RAD51B: variants seen among roughly 807,000 people sequenced by gnomAD.
The protein encoded by RAD51B is RAD51 paralog B.
Under a neutral mutation model 42.2 loss-of-function variants are expected in RAD51B, and 38 were observed. The observed-to-expected ratio is 0.90, with a 90% CI of 0.70 to 1.18. The LOEUF (loss-of-function observed/expected upper bound fraction) is 1.18. Ranked by LOEUF, RAD51B falls within the 50% of genes most tolerant of loss-of-function variation. RAD51B has a pLI of 0.00. For synonymous variants in RAD51B, 154 were observed against 145.2 expected (o/e 1.06, Z -0.43); for missense variants, 373 against 400.7 (o/e 0.93, Z 0.59).
At chr14:68,577,520 T>A (rs1171225925) in intron 10 of RAD51B, among the ~76,000 whole-genome samples, 3 of 147,004 alleles carry the variant, frequency 2.0e-5, no homozygotes, top group Admixed American at 6.8e-5. Context: ...AAAAAAAAAA[T>A]GGAATCCTAG....
chr14:68,550,861 G>A (rs1313027521), intron 10 of RAD51B, among the ~76,000 whole-genome samples: 1 of 152,114 alleles, frequency 6.6e-6, no homozygotes, highest in Non-Finnish European at 1.5e-5. Flanking sequence ...TCCAGAGAAG[G>A]AGTTGCTTCC....
intron 11 of RAD51B, among the ~76,000 whole-genome samples, chr14:68,662,574 G>C (rs1454576568): frequency 6.6e-6 from 1 of 152,192 alleles, no homozygotes; most frequent in Non-Finnish European, 1.5e-5. Context: ...AGCTGTCCCA[G>C]TGACACTGTC....
At chr14:68,650,042 C>G (rs1045164066) in intron 10 of RAD51B, among the ~76,000 whole-genome samples, 1 of 152,154 alleles carries the variant, frequency 6.6e-6, no homozygotes, top group Non-Finnish European at 1.5e-5. Flanking sequence ...TCACTCCCCC[C>G]GCAGAGCCTA....
chr14:68,302,566 G>A (rs1386540005), intron 8 of RAD51B, among the ~76,000 whole-genome samples: 1 of 152,204 alleles, frequency 6.6e-6, no homozygotes, highest in Non-Finnish European at 1.5e-5. Context: ...AGGAATTAAA[G>A]ACTCACACAG....
chr14:68,370,560 A>G (rs897389231), intron 8 of RAD51B, among the ~76,000 whole-genome samples: 2 of 152,192 alleles, frequency 1.3e-5, no homozygotes, highest in Admixed American at 6.5e-5. Flanking sequence ...CTGTAGGAGT[A>G]TAGACTGTAA....
intron 7 of RAD51B, among the ~76,000 whole-genome samples, chr14:68,132,973 C>G (rs1316490531): frequency 1.3e-5 from 2 of 152,172 alleles, no homozygotes; most frequent in African/African-American, 4.8e-5. Flanking sequence ...AGTGCCTTCT[C>G]TGGACTGATC....
chr14:68,082,489 G>A (rs535105907), intron 7 of RAD51B, among the ~76,000 whole-genome samples: 3 of 139,882 alleles, frequency 2.1e-5, no homozygotes, highest in African/African-American at 8.0e-5. Flanking sequence ...ATATATATAT[G>A]TATTTATGTA....
At chr14:68,663,091 C>A (rs2145150) in intron 11 of RAD51B, among the ~76,000 whole-genome samples, 120,465 of 152,224 alleles carry the variant, frequency 0.79, 47,734 homozygotes, top group East Asian at 0.86. Flanking sequence ...ACCTGAGGTC[C>A]GGAGTTTGAG....
chr14:68,501,259 A>G (rs905616135), intron 10 of RAD51B, among the ~76,000 whole-genome samples: 1 of 152,212 alleles, frequency 6.6e-6, no homozygotes, highest in Non-Finnish European at 1.5e-5. Context: ...CTCCTCCCAG[A>G]CTTATTGTTC....
At chr14:68,671,402 TC>T (rs1893154840) in intron 11 of RAD51B, among the ~76,000 whole-genome samples, 1 of 152,272 alleles carries the variant, frequency 6.6e-6, no homozygotes, top group African/African-American at 2.4e-5. Context: ...TACCATGCCC[TC>T]CCCTATGTGG....
At chr14:68,294,469 A>G (rs1053670729) in intron 8 of RAD51B, among the ~76,000 whole-genome samples, 2 of 152,254 alleles carry the variant, frequency 1.3e-5, no homozygotes, top group African/African-American at 4.8e-5. Flanking sequence ...ACACACAGAC[A>G]TGCACACGCA....
rs147380361 is a variant in RAD51B at position 68,595,157 on chromosome 14, C to T, written c.*554C>T. ...GGAGCGCTGGAACGTTTATTCTCTT[C>T]CCTCCCAATTATCCACTCTAATGGA... On this transcript the variant is annotated 3_prime_UTR_variant, in exon 11 of 11. Coordinates refer to the RAD51B transcript ENST00000487270. 5.7e-4 allele frequency: 607 copies of T among 1,066,496 alleles called. 2 individuals are homozygous for T. The African/African-American group carries it at 8.6e-3, about 15-fold the overall frequency. The allele number at this position is 1,066,496 out of a possible 1,614,324, so 66.1% of individuals were successfully genotyped here.
intron 7 of RAD51B, among the ~76,000 whole-genome samples, chr14:67,980,439 G>A (rs560599923): frequency 6.6e-5 from 10 of 152,150 alleles, no homozygotes; most frequent in South Asian, 4.1e-4. Context: ...ACGAAACTCC[G>A]TCTTAAAAAA....
At chr14:67,885,343 A>C (rs2043031363) in intron 5 of RAD51B, among the ~76,000 whole-genome samples, 1 of 152,230 alleles carries the variant, frequency 6.6e-6, no homozygotes, top group Non-Finnish European at 1.5e-5. Flanking sequence ...TTACTAAGAA[A>C]GTATTGGAAC....
chr14:68,173,361 T>C (rs1174950356), intron 7 of RAD51B, among the ~76,000 whole-genome samples: 1 of 152,250 alleles, frequency 6.6e-6, no homozygotes, highest in Non-Finnish European at 1.5e-5. Context: ...GATTGCCATC[T>C]TTCTATACTG....
chr14:67,879,654 A>G (rs560292947), intron 5 of RAD51B, among the ~76,000 whole-genome samples: 159 of 152,290 alleles, frequency 1.0e-3, no homozygotes, highest in Non-Finnish European at 1.7e-3. Context: ...TGACTAAAAA[A>G]AGTGAAAAAA....
At chr14:68,233,159 A>G (rs1451847140) in intron 7 of RAD51B, among the ~76,000 whole-genome samples, 2 of 152,206 alleles carry the variant, frequency 1.3e-5, no homozygotes, top group South Asian at 2.1e-4. Flanking sequence ...AGACAGTAGA[A>G]TTTCATTGTG....
rs771179366 is a variant in RAD51B, at chr14:68,275,550, G to A, written c.757-16334G>A. ...GTCCAGTGGGGTCTCTCCTGCCTGC[G>A]AGGGAATTGGCGAGAAGCTATCAGG... On this transcript the variant is annotated intron_variant, in intron 7 of 10. Transcript: ENST00000471583. 3.3e-5 allele frequency among the ~76,000 whole-genome samples: 5 copies of A among 152,082 alleles called. No homozygotes were observed. In the South Asian group the frequency reaches 1.0e-3, roughly 32 times the overall value.
intron 7 of RAD51B, among the ~76,000 whole-genome samples, chr14:68,090,721 T>A (rs961125660): frequency 6.6e-6 from 1 of 150,962 alleles, no homozygotes; most frequent in East Asian, 1.9e-4. Context: ...ATTATTATAC[T>A]TTAAGTTTTA....
Sources: allele counts gnomAD v4.1 joint callset (sites outside exome capture counted in the v4.1 genomes callset), GRCh38; gene constraint gnomAD v4.1.1; transcripts MANE v1.5; gene names NCBI Gene and HGNC (gene_info 2026-07-23, HGNC 2026-07-21).